ERC1: variants seen among roughly 807,000 people sequenced by gnomAD.
ERC1 encodes RAB6 interacting protein 2.
Under a neutral mutation model 132.0 loss-of-function variants are expected in ERC1, and 56 were observed. The observed-to-expected ratio is 0.42, with a 90% CI of 0.34 to 0.53. The LOEUF is 0.53. ERC1 is among the 20% of genes least tolerant of loss of function. ERC1 has a pLI of 0.03. For synonymous variants in ERC1, 478 were observed against 476.1 expected, an observed-to-expected ratio of 1.00 and a Z score of -0.05; for missense variants, 1,202 against 1,349.9, an observed-to-expected ratio of 0.89 and a Z score of 1.72.
rs576472439 is a variant in ERC1 at position 1,207,456 on chromosome 12, G to A, written c.2351+17404G>A. On this transcript the variant is annotated intron_variant, in intron 12 of 18. Transcript: ENST00000360905. ...TTAGCTTCCACTTTTCATTCCTTTC[G>A]CTTTTTTAAGCAACTCTATTGTTCA... Among the ~76,000 whole-genome samples, 27 of 152,010 alleles carry A rather than the reference G, an allele frequency of 1.8e-4. 1 individual carries two copies. The South Asian group carries it at 4.0e-3, about 22-fold the overall frequency.
chr12:1,379,220 C>G (rs561092047), intron 16 of ERC1, among the ~76,000 whole-genome samples: 26 of 152,308 alleles, frequency 1.7e-4, no homozygotes, highest in African/African-American at 6.3e-4. Flanking sequence ...AGGCCCCCAC[C>G]TTCAGCACTT....
intron 15 of ERC1, among the ~76,000 whole-genome samples, chr12:1,343,144 G>C (rs1389235440): frequency 6.6e-6 from 1 of 152,132 alleles, no homozygotes; most frequent in Non-Finnish European, 1.5e-5. Context: ...CTTAAAGCAG[G>C]CTTTACAGCT....
chr12:1,101,718 A>G (rs12316126), intron 3 of ERC1, among the ~76,000 whole-genome samples: 34,464 of 152,116 alleles, frequency 0.23, 4,018 homozygotes, highest in Non-Finnish European at 0.25. Flanking sequence ...ACGGCGAGGA[A>G]GAGTGATGAA....
chr12:1,196,972 ATATATTT>A (rs1241149695), intron 12 of ERC1, among the ~76,000 whole-genome samples: 3 of 58,250 alleles, frequency 5.2e-5, no homozygotes, highest in African/African-American at 3.9e-4. Flanking sequence ...ATATATATAT[ATATATTT>A]TTTTTTTTTT....
At chr12:995,490 A>C (rs961883924) in intron 1 of ERC1, among the ~76,000 whole-genome samples, 1 of 152,324 alleles carries the variant, frequency 6.6e-6, no homozygotes, top group Middle Eastern at 3.4e-3. Context: ...TAAAGTTGCC[A>C]GTAACTGAAT....
intron 18 of ERC1, among the ~76,000 whole-genome samples, chr12:1,471,291 A>G (rs1402957986): frequency 6.6e-6 from 1 of 152,220 alleles, no homozygotes; most frequent in Non-Finnish European, 1.5e-5. Flanking sequence ...TTTTCAGGAA[A>G]GAGGATAATC....
intron 17 of ERC1, among the ~76,000 whole-genome samples, chr12:1,411,354 G>A (rs1433774388): frequency 6.6e-6 from 1 of 152,144 alleles, no homozygotes; most frequent in Non-Finnish European, 1.5e-5. Flanking sequence ...CACTCCCCTG[G>A]AGTCAGTTCT....
intron 1 of ERC1, among the ~76,000 whole-genome samples, chr12:1,019,766 G>A (rs372678453): frequency 1.3e-5 from 2 of 152,110 alleles, no homozygotes; most frequent in African/African-American, 4.8e-5. Context: ...ACGCTGTAGT[G>A]CAGTGGAACT....
intron 8 of ERC1, among the ~76,000 whole-genome samples, chr12:1,157,695 C>CT (rs1337277935): frequency 6.6e-6 from 1 of 152,096 alleles, no homozygotes; most frequent in Non-Finnish European, 1.5e-5. Context: ...GAACTTGTTA[C>CT]TTTTTTTATT....
chr12:1,384,981 CAA>C (rs1357320365), intron 16 of ERC1, among the ~76,000 whole-genome samples: 1 of 152,136 alleles, frequency 6.6e-6, no homozygotes, highest in African/African-American at 2.4e-5. Flanking sequence ...TAGAAATATA[CAA>C]AGAGATTGAA....
At chr12:1,231,375 T>C (rs781525699) in intron 12 of ERC1, among the ~76,000 whole-genome samples, 16 of 152,212 alleles carry the variant, frequency 1.1e-4, no homozygotes, top group South Asian at 4.1e-4. Context: ...TGTGTACCCA[T>C]TGACAAATTA....
At chr12:1,401,373 G>A (rs1372469085) in intron 16 of ERC1, among the ~76,000 whole-genome samples, 3 of 152,174 alleles carry the variant, frequency 2.0e-5, no homozygotes, top group African/African-American at 4.8e-5. Flanking sequence ...AGGGGAGGGA[G>A]GATAAAGGAA....
At chr12:1,443,043 G>A (rs946867428) in intron 17 of ERC1, among the ~76,000 whole-genome samples, 2 of 135,218 alleles carry the variant, frequency 1.5e-5, no homozygotes, top group Admixed American at 6.8e-5. Context: ...GAGTAGCTGG[G>A]ACTACAGGCA....
chr12:1,343,656 T>TA (rs1323089112), intron 15 of ERC1, among the ~76,000 whole-genome samples: 4 of 152,154 alleles, frequency 2.6e-5, no homozygotes, highest in Non-Finnish European at 5.9e-5. Flanking sequence ...CTGTGCCACT[T>TA]ACGCTGTCTC....
chr12:1,418,236 G>A (rs1179306549), intron 17 of ERC1, among the ~76,000 whole-genome samples: 1 of 152,162 alleles, frequency 6.6e-6, no homozygotes, highest in Non-Finnish European at 1.5e-5. Context: ...CCCAAAATAT[G>A]GCACGTTGGC....
chr12:1,112,976 T>TA (rs1418586747), intron 6 of ERC1, among the ~76,000 whole-genome samples: 1 of 152,108 alleles, frequency 6.6e-6, no homozygotes, highest in South Asian at 2.1e-4. Flanking sequence ...ATTTTCAGGG[T>TA]AAAAAAATGG....
intron 1 of ERC1, among the ~76,000 whole-genome samples, chr12:1,025,732 A>G (rs1369558829): frequency 6.6e-6 from 1 of 151,064 alleles, no homozygotes; most frequent in Non-Finnish European, 1.5e-5. Flanking sequence ...TCCTCACTGT[A>G]TTAGTCTGTT....
rs2091221966 is a variant in ERC1, at chr12:1,403,240, G to A, written c.2926-4909G>A. On this transcript the variant is annotated intron_variant, in intron 16 of 18. Coordinates refer to ENST00000360905, the MANE Select transcript of ERC1 (RefSeq NM_178040.4). ...TTCCCCCTTCCTTCCTTCAGACAAC[G>A]TTATTCTTTATGTCGTTGGGACCAG... Among the ~76,000 whole-genome samples the A allele has an allele frequency of 3.3e-5, 5 of 151,478 alleles. No homozygotes were observed. In the South Asian group the frequency reaches 6.3e-4, roughly 19 times the overall value.
chr12:1,024,030 C>T (rs906708961), intron 1 of ERC1, among the ~76,000 whole-genome samples: 2 of 152,114 alleles, frequency 1.3e-5, no homozygotes, highest in African/African-American at 2.4e-5. Flanking sequence ...TGTTTGATTT[C>T]TTTGTTTCTC....
Sources: gnomAD v4.1 joint callset for allele counts (sites outside exome capture counted in the v4.1 genomes callset) on GRCh38, gnomAD v4.1.1 for gene constraint, MANE v1.5 for transcripts, NCBI Gene and HGNC (gene_info 2026-07-23, HGNC 2026-07-21) for gene names.